Variants in C10orf67 observed in about 807,000 individuals in gnomAD.
C10orf67 encodes chromosome 10 open reading frame 67.
C10orf67 carries 60 observed loss-of-function variants against 35.6 expected under a neutral mutation model. The observed-to-expected ratio is 1.68, with a 90% CI of 1.37 to 2.09. C10orf67 has a LOEUF of 2.09. Among genes scored for constraint, C10orf67 ranks in the 30% most tolerant of loss-of-function variants. The pLI is 0.00. For missense variants in C10orf67, 474 were observed against 330.2 expected (o/e 1.44, Z -3.38); for synonymous variants, 167 against 115.8 (o/e 1.44, Z -2.84).
intron 13 of C10orf67, among the ~76,000 whole-genome samples, chr10:23,238,097 C>G (rs1842093309): frequency 6.6e-6 from 1 of 152,184 alleles, no homozygotes; most frequent in African/African-American, 2.4e-5. Flanking sequence ...AGTCTGTCAC[C>G]TCATGGAATT....
intron 15 of C10orf67, among the ~76,000 whole-genome samples, chr10:23,208,720 T>C (rs1765695045): frequency 6.6e-6 from 1 of 152,242 alleles, no homozygotes; most frequent in African/African-American, 2.4e-5. Context: ...TTCCACTTGT[T>C]ATCCACAGCC....
At chr10:23,305,985 ACTCT>A (rs1177187573) in intron 4 of C10orf67, among the ~76,000 whole-genome samples, 1 of 151,172 alleles carries the variant, frequency 6.6e-6, no homozygotes, top group South Asian at 2.1e-4. Flanking sequence ...ACACACACAC[ACTCT>A]CTCTCTCACA....
intron 5 of C10orf67, among the ~76,000 whole-genome samples, chr10:23,300,476 G>A (rs762078480): frequency 1.3e-5 from 2 of 152,040 alleles, no homozygotes; most frequent in Admixed American, 1.3e-4. Context: ...GTTTTTCTCC[G>A]GGCCTAAGGT....
chr10:23,212,778 T>TGAGA (rs58972226), intron 15 of C10orf67, among the ~76,000 whole-genome samples: 9,285 of 100,872 alleles, frequency 0.092, 633 homozygotes, highest in Non-Finnish European at 0.11. Context: ...AATATTGTAT[T>TGAGA]GAGAGAGAGA....
intron 1 of C10orf67, among the ~76,000 whole-genome samples, chr10:23,338,038 A>G (rs79466346): frequency 2.1e-3 from 322 of 152,354 alleles, no homozygotes; most frequent in African/African-American, 7.5e-3. Context: ...GGAACTTGGA[A>G]GGAACAGATT....
chr10:23,237,479 C>G (rs531013978), intron 13 of C10orf67, among the ~76,000 whole-genome samples: 1 of 151,452 alleles, frequency 6.6e-6, no homozygotes, highest in South Asian at 2.1e-4. Context: ...TTTATAGCAG[C>G]TTTTTTTTTC....
chr10:23,308,523 T>C (rs553793180), intron 4 of C10orf67, among the ~76,000 whole-genome samples: 1 of 152,158 alleles, frequency 6.6e-6, no homozygotes, highest in South Asian at 2.1e-4. Flanking sequence ...ATTTTATCAA[T>C]ACTGATACAC....
At chr10:23,231,695 A>G (rs145505008) in intron 13 of C10orf67, among the ~76,000 whole-genome samples, 129 of 152,336 alleles carry the variant, frequency 8.5e-4, no homozygotes, top group African/African-American at 3.0e-3. Flanking sequence ...ATCAGGTGAA[A>G]CTAGAAGAAT....
chr10:23,230,404 A>G (rs548981031), intron 13 of C10orf67, among the ~76,000 whole-genome samples: 17 of 152,280 alleles, frequency 1.1e-4, no homozygotes, highest in African/African-American at 4.1e-4. Context: ...TATTGGATGA[A>G]CTCTTTTTAA....
chr10:23,251,372 C>T (rs1026526519), intron 10 of C10orf67, among the ~76,000 whole-genome samples: 2 of 152,110 alleles, frequency 1.3e-5, no homozygotes, highest in Non-Finnish European at 2.9e-5. Context: ...CAGCAGCTTC[C>T]CCCAGTTACT....
chr10:23,287,750 C>T (rs12269034), intron 7 of C10orf67, among the ~76,000 whole-genome samples: 1 of 152,038 alleles, frequency 6.6e-6, no homozygotes, highest in South Asian at 2.1e-4. Flanking sequence ...CCAGAATCTA[C>T]AAGGAACTTA....
chr10:23,298,328 G>A (rs1285675521), intron 5 of C10orf67, among the ~76,000 whole-genome samples: 3 of 152,148 alleles, frequency 2.0e-5, no homozygotes, highest in African/African-American at 4.8e-5. Flanking sequence ...CCTTACTCAG[G>A]TATGCCACAG....
chr10:23,268,982 C>A (rs987174225), intron 8 of C10orf67, among the ~76,000 whole-genome samples: 5 of 152,184 alleles, frequency 3.3e-5, no homozygotes, highest in African/African-American at 9.6e-5. Flanking sequence ...TGTTGTTGAC[C>A]AAAATGTCAT....
chr10:23,268,314 A>G (rs1478223522), intron 8 of C10orf67, among the ~76,000 whole-genome samples: 1 of 152,166 alleles, frequency 6.6e-6, no homozygotes, highest in Admixed American at 6.5e-5. Flanking sequence ...AATCAATTTT[A>G]ATTTCTAGGT....
intron 4 of C10orf67, among the ~76,000 whole-genome samples, chr10:23,319,191 G>T (rs1844851378): frequency 1.3e-5 from 2 of 151,970 alleles, no homozygotes; most frequent in South Asian, 2.1e-4. Context: ...TGTGTCTATT[G>T]TTCCCTTCTT....
At chr10:23,328,267 G>A (rs546747243) in intron 2 of C10orf67, among the ~76,000 whole-genome samples, 3 of 152,172 alleles carry the variant, frequency 2.0e-5, no homozygotes, top group South Asian at 4.2e-4. Context: ...ACATTGTCTC[G>A]GGCGGCAATG....
At position 23,246,197 on chromosome 10, in the gene C10orf67, T is replaced by C. The variant is rs548250290; in HGVS notation, c.1346+4258A>G. On this transcript the variant is annotated intron_variant, in intron 12 of 15. Transcript: ENST00000636213. ...GGGAACAACAGACATCAGGGCCTAT[T>C]TGAGGGTGGAGGTTTGGAGGAGAGT... Among the ~76,000 whole-genome samples the C allele has an allele frequency of 2.0e-5, 3 of 152,104 alleles. No homozygotes were observed. The East Asian group carries it at 5.8e-4, about 29-fold the overall frequency.
chr10:23,220,415 A>G (rs932774), intron 15 of C10orf67, among the ~76,000 whole-genome samples: 21,733 of 152,120 alleles, frequency 0.14, 3,003 homozygotes, highest in East Asian at 0.71. Flanking sequence ...ACACAACAGG[A>G]AGCACTAAGA....
At chr10:23,292,390 T>A (rs1283350801) in intron 5 of C10orf67, among the ~76,000 whole-genome samples, 1 of 152,080 alleles carries the variant, frequency 6.6e-6, no homozygotes, top group African/African-American at 2.4e-5. Context: ...AGATAGAAGA[T>A]TCTACATGCC....
Sources: allele counts gnomAD v4.1 joint callset (sites outside exome capture counted in the v4.1 genomes callset), GRCh38; gene constraint gnomAD v4.1.1; transcripts MANE v1.5; gene names NCBI Gene and HGNC (gene_info 2026-07-23, HGNC 2026-07-21).